Variants in KIF18A observed in about 807,000 individuals in gnomAD.
KIF18A encodes kinesin-like protein KIF18A.
A neutral mutation model predicts 103.3 loss-of-function variants in KIF18A; 67 were observed. The observed-to-expected ratio is 0.65, with a 90% CI of 0.53 to 0.79. KIF18A has a LOEUF of 0.79. Among genes scored for constraint, KIF18A ranks in the 30% least tolerant of loss-of-function variants. The probability of loss-of-function intolerance (pLI) is 0.00; values close to 1 mark genes in which losing one functional copy is unlikely to be tolerated. For missense variants in KIF18A, 1,032 were observed against 1,062.5 expected, an observed-to-expected ratio of 0.97 and a Z score of 0.40; for synonymous variants, 367 against 355.5, an observed-to-expected ratio of 1.03 and a Z score of -0.36.
chr11:28,055,602 T>C (rs1457976810), intron 13 of KIF18A, among the ~76,000 whole-genome samples: 2 of 152,112 alleles, frequency 1.3e-5, no homozygotes, highest in Non-Finnish European at 1.5e-5. Context: ...AAATCAGAAA[T>C]AGGCAGGACC....
At chr11:28,096,346 C>G (rs989957933) in intron 2 of KIF18A, among the ~76,000 whole-genome samples, 4 of 151,972 alleles carry the variant, frequency 2.6e-5, no homozygotes, top group African/African-American at 9.7e-5. Flanking sequence ...TGTTAACAAA[C>G]CACAAAAATA....
intron 1 of KIF18A, among the ~76,000 whole-genome samples, chr11:28,099,048 C>T (rs1851413149): frequency 6.6e-6 from 1 of 152,056 alleles, no homozygotes; most frequent in Admixed American, 6.6e-5. Context: ...ATGTTCGCTA[C>T]AACATTATTC....
At chr11:28,050,579 T>G (rs1469858151) in intron 13 of KIF18A, among the ~76,000 whole-genome samples, 1 of 151,832 alleles carries the variant, frequency 6.6e-6, no homozygotes, top group African/African-American at 2.4e-5. Flanking sequence ...TTTATTGTAC[T>G]TTAAGATAAA....
intron 15 of KIF18A, among the ~76,000 whole-genome samples, chr11:28,031,316 A>T (rs1850402759): frequency 6.6e-6 from 1 of 152,194 alleles, no homozygotes; most frequent in Admixed American, 6.6e-5. Flanking sequence ...GATTAAGAAG[A>T]TGTGGCACAT....
chr11:28,083,080 AAT>A (rs1298900421), intron 8 of KIF18A, 87 bp downstream of exon 8: 9 of 1,495,042 alleles, frequency 6.0e-6, no homozygotes, highest in Non-Finnish European at 6.3e-6. Flanking sequence ...TTAATAGAAA[AAT>A]ATGTTAAATT....
chr11:28,025,763 A>C (rs1057296224), intron 15 of KIF18A, among the ~76,000 whole-genome samples: 122 of 151,974 alleles, frequency 8.0e-4, no homozygotes, highest in Non-Finnish European at 2.5e-4. Flanking sequence ...GCTATACTGA[A>C]AAATCCAAAG....
At position 28,035,464 on chromosome 11, in the gene KIF18A, A is replaced by C. The variant is rs1245569714; in HGVS notation, c.2427T>G (p.His809Gln). 6.3e-7 allele frequency: 1 copy of C among 1,599,198 alleles called. No individual in the cohort carries two copies. Among genetic ancestry groups the C allele is most frequent in the Non-Finnish European group, 8.5e-7 (1 of 1,171,766 alleles). ...RLDPSSFSTKHSMPVPSMVPS... is the reference protein window; with the variant it reads ...RLDPSSFSTKQSMPVPSMVPS... Reference sequence around the variant, plus strand: ...GCACCATGCTTGGTACAGGCATAGAATGCTTAGTTGAGAATGAAGAAGGAT... The same window carrying C: ...GCACCATGCTTGGTACAGGCATAGACTGCTTAGTTGAGAATGAAGAAGGAT... The change falls in exon 15 of 17, where the codon CAT (histidine) becomes CAG (glutamine). Residue 809 changes from histidine to glutamine, a missense_variant. Transcript: ENST00000263181.
intron 4 of KIF18A, 107 bp downstream of exon 4, chr11:28,091,302 T>G: frequency 1.6e-6 from 1 of 610,870 alleles, no homozygotes; most frequent in Non-Finnish European, 2.9e-6. Flanking sequence ...CTGTACCTCA[T>G]TAGTTTTTTT....
intron 13 of KIF18A, among the ~76,000 whole-genome samples, chr11:28,040,754 T>C (rs532532167): frequency 1.3e-5 from 2 of 151,772 alleles, no homozygotes; most frequent in African/African-American, 2.4e-5. Flanking sequence ...TACTTAAATA[T>C]AAGAGGTAGT....
chr11:28,088,715 A>C lies in KIF18A; in HGVS notation c.706T>G (p.Leu236Val). ...CTTGCTGTTTTGTCTTGTTGTCGCA[A>C]GTAAATCTTTTTGAAATTACAAAAT... Reference protein sequence around the residue: ...SRSHAVFQIYLRQQDKTASIN... With the variant: ...SRSHAVFQIYVRQQDKTASIN... Residue 236 changes from leucine to valine, a missense_variant, in exon 6 of 17, where the codon TTG becomes GTG. Leu to Val is a conservative substitution (Grantham distance 32, BLOSUM62 1). Transcript: ENST00000263181. The C allele has an allele frequency of 6.2e-7, 1 of 1,612,910 alleles. No homozygotes were observed. Among genetic ancestry groups the C allele is most frequent in the South Asian group, 1.1e-5 (1 of 90,882 alleles).
intron 13 of KIF18A, among the ~76,000 whole-genome samples, chr11:28,038,197 A>G (rs1850518402): frequency 6.6e-6 from 1 of 151,660 alleles, no homozygotes; most frequent in South Asian, 2.1e-4. Context: ...ATTAAGAAAC[A>G]AATTGTTTCA....
At chr11:28,031,379 G>A (rs1850404409) in intron 15 of KIF18A, among the ~76,000 whole-genome samples, 1 of 152,116 alleles carries the variant, frequency 6.6e-6, no homozygotes, top group Non-Finnish European at 1.5e-5. Context: ...CATGTCCTTT[G>A]TAGGGACAGG....
intron 15 of KIF18A, among the ~76,000 whole-genome samples, chr11:28,027,942 C>A (rs1850342038): frequency 6.6e-6 from 1 of 151,872 alleles, no homozygotes; most frequent in South Asian, 2.1e-4. Flanking sequence ...ATGCACAAAT[C>A]CTTAACAAAA....
At chr11:28,027,853 C>T (rs1020201822) in intron 15 of KIF18A, among the ~76,000 whole-genome samples, 1 of 151,860 alleles carries the variant, frequency 6.6e-6, no homozygotes, top group African/African-American at 2.4e-5. Flanking sequence ...TTATATGAGG[C>T]CAGTATTACT....
intron 13 of KIF18A, among the ~76,000 whole-genome samples, chr11:28,049,961 T>G (rs1211641449): frequency 6.6e-6 from 1 of 151,832 alleles, no homozygotes; most frequent in Admixed American, 6.6e-5. Flanking sequence ...ACCAAACTAA[T>G]AAACATTTTA....
At chr11:28,059,768 CAT>C (rs964441717) in intron 12 of KIF18A, among the ~76,000 whole-genome samples, 1 of 151,986 alleles carries the variant, frequency 6.6e-6, no homozygotes, top group African/African-American at 2.4e-5. Context: ...TTTTGCAAAA[CAT>C]AATGTGATTT....
chr11:28,043,301 G>C (rs972122232), intron 13 of KIF18A, among the ~76,000 whole-genome samples: 2 of 151,982 alleles, frequency 1.3e-5, no homozygotes, highest in South Asian at 2.1e-4. Flanking sequence ...TGTGGCTCTG[G>C]TTCCTTCCCT....
rs1437708472 is a variant in KIF18A, at chr11:28,036,239, C to T, written c.2374G>A (p.Asp792Asn). 31 of 1,594,868 alleles carry T rather than the reference C, an allele frequency of 1.9e-5. No homozygotes were observed. The highest frequency in any genetic ancestry group is 2.5e-5 in the Non-Finnish European group (29 of 1,170,424). ...KLPEQESLPN[D>N]NKDILQRLDP... ...TACCGTTGTAAAATGTCTTTGTTAT[C>T]ATTTGGTAGTGATTCTTGTTCGGGT... The change falls in exon 14 of 17, where the codon GAT (aspartate) becomes AAT (asparagine). Residue 792 changes from aspartate to asparagine, a missense_variant. By Grantham distance (23) the Asp-to-Asn change is conservative. Transcript: ENST00000263181.
rs1293038903 is a variant in KIF18A at position 28,103,081 on chromosome 11, G to GT, written c.-47+4982dup. Among the ~76,000 whole-genome samples, 5 of 152,090 alleles carry GT rather than the reference G, an allele frequency of 3.3e-5. No individual in the cohort carries two copies. In the East Asian group the frequency reaches 9.6e-4, roughly 29 times the overall value. ...ATTTTGTCCTATCTACCCCTAAGTG[G>GT]TATTTACTGAACAGAATCAAAAGAG... On this transcript the variant is annotated intron_variant, in intron 1 of 16. Coordinates refer to ENST00000263181, the MANE Select transcript of KIF18A (RefSeq NM_031217.4).
Sources: allele counts gnomAD v4.1 joint callset (sites outside exome capture counted in the v4.1 genomes callset), GRCh38; gene constraint gnomAD v4.1.1; transcripts MANE v1.5; gene names NCBI Gene and HGNC (gene_info 2026-07-23, HGNC 2026-07-21).